Variants in RNF144A observed in about 807,000 individuals in gnomAD.
RNF144A encodes the protein ring finger protein 144A, also known as E3 ubiquitin-protein ligase RNF144A.
In RNF144A, 11 loss-of-function variants were observed where a neutral mutation model predicts 38.7. The observed-to-expected ratio is 0.28, with a 90% confidence interval of 0.18 to 0.47. The LOEUF is 0.47. Among genes scored for constraint, RNF144A ranks in the 20% least tolerant of loss-of-function variants. The pLI is 0.99. For synonymous variants in RNF144A, 149 were observed against 143.9 expected (o/e 1.04, Z -0.25); for missense variants, 316 against 377.2 (o/e 0.84, Z 1.34).
At chr2:6,992,146 G>C (rs901732284) in intron 2 of RNF144A, among the ~76,000 whole-genome samples, 1 of 152,204 alleles carries the variant, frequency 6.6e-6, no homozygotes, top group African/African-American at 2.4e-5. Context: ...CCTTGAGTGA[G>C]ATAGACTTGG....
intron 8 of RNF144A, among the ~76,000 whole-genome samples, chr2:7,034,777 G>T (rs1672552935): frequency 6.6e-6 from 1 of 152,240 alleles, no homozygotes; most frequent in Non-Finnish European, 1.5e-5. Flanking sequence ...AATACTGGAT[G>T]TTGCAGAAAG....
rs1232262856 is a variant in RNF144A at position 7,043,425 on chromosome 2, G to A, written c.*3665G>A. Reference sequence around the variant, plus strand: ...AAAGGATCCAGGATGGGCTTTGTGTGTGTGTCTCAGATTCTCATTTATTAG... The same window carrying A: ...AAAGGATCCAGGATGGGCTTTGTGTATGTGTCTCAGATTCTCATTTATTAG... On this transcript the variant is annotated 3_prime_UTR_variant, in exon 9 of 9. Coordinates refer to ENST00000320892, the MANE Select transcript of RNF144A (RefSeq NM_014746.6). 5.1e-6 allele frequency: 5 copies of A among 985,528 alleles called. No homozygotes were observed. The highest frequency in any genetic ancestry group is 6.0e-6 in the Non-Finnish European group (5 of 829,896). The allele number at this position is 985,528 out of a possible 1,614,324, so 61.0% of individuals were successfully genotyped here. A position where few individuals can be genotyped will look rare whatever the true frequency, so the allele number is the denominator to read the frequency against.
chr2:7,008,378 C>G, intron 3 of RNF144A, among the ~76,000 whole-genome samples: 1 of 152,256 alleles, frequency 6.6e-6, no homozygotes, highest in East Asian at 1.9e-4. Flanking sequence ...CAGCTGTCCC[C>G]TCACAAACAC....
intron 2 of RNF144A, among the ~76,000 whole-genome samples, chr2:6,985,798 G>A (rs760363196): frequency 2.6e-5 from 4 of 152,084 alleles, no homozygotes; most frequent in Non-Finnish European, 5.9e-5. Context: ...TCAGCCTCCC[G>A]AGTAGCTGGG....
At chr2:7,019,755 A>C (rs1208604335) in intron 5 of RNF144A, among the ~76,000 whole-genome samples, 1 of 152,254 alleles carries the variant, frequency 6.6e-6, no homozygotes, top group Non-Finnish European at 1.5e-5. Context: ...GATGTGAAGA[A>C]ATAGATGTGT....
intron 1 of RNF144A, among the ~76,000 whole-genome samples, chr2:6,923,487 CAG>C (rs1664671247): frequency 6.6e-6 from 1 of 152,222 alleles, no homozygotes; most frequent in South Asian, 2.1e-4. Context: ...GGGCTGATCT[CAG>C]CAGCTGCTGA....
At chr2:6,976,499 A>G (rs970663560) in intron 2 of RNF144A, among the ~76,000 whole-genome samples, 32 of 151,412 alleles carry the variant, frequency 2.1e-4, no homozygotes, top group Admixed American at 1.9e-3. Context: ...ACATTTTGCA[A>G]TGTTTTTCGT....
At chr2:7,014,157 A>G (rs1670993865) in intron 3 of RNF144A, among the ~76,000 whole-genome samples, 1 of 152,180 alleles carries the variant, frequency 6.6e-6, no homozygotes, top group Non-Finnish European at 1.5e-5. Flanking sequence ...GCTGCCTTTC[A>G]TCTTGCTTTT....
downstream of RNF144A, among the ~76,000 whole-genome samples, chr2:7,071,531 T>TC (rs1436565916): frequency 6.6e-6 from 1 of 152,228 alleles, no homozygotes; most frequent in Non-Finnish European, 1.5e-5. Context: ...GCTCAATTTC[T>TC]CAATTCCAGT....
intron 2 of RNF144A, among the ~76,000 whole-genome samples, chr2:6,954,361 A>G (rs899157338): frequency 1.3e-5 from 2 of 151,530 alleles, no homozygotes; most frequent in East Asian, 3.8e-4. Context: ...CACAGAAAGT[A>G]AAAAAAAAGA....
intron 2 of RNF144A, among the ~76,000 whole-genome samples, chr2:6,945,787 C>A (rs1408273733): frequency 6.6e-6 from 1 of 151,792 alleles, no homozygotes; most frequent in Non-Finnish European, 1.5e-5. Flanking sequence ...GGGCACAGGC[C>A]AGAGTAGAAC....
intron 3 of RNF144A, among the ~76,000 whole-genome samples, chr2:6,999,266 G>A (rs1409907180): frequency 1.3e-5 from 2 of 152,206 alleles, no homozygotes; most frequent in Non-Finnish European, 2.9e-5. Context: ...TCACTGTAGC[G>A]TGAAGAGAAG....
At chr2:7,025,416 A>G (rs747727395) in intron 7 of RNF144A, among the ~76,000 whole-genome samples, 16 of 152,206 alleles carry the variant, frequency 1.1e-4, no homozygotes, top group Admixed American at 9.8e-4. Context: ...GCTCACGCCT[A>G]TATTCCCAGC....
chr2:7,070,766 C>CA (rs1171898334), downstream of RNF144A, among the ~76,000 whole-genome samples: 1 of 151,972 alleles, frequency 6.6e-6, no homozygotes, highest in Non-Finnish European at 1.5e-5. Context: ...TGCCACAAGC[C>CA]AAAAAAGTTC....
intron 6 of RNF144A, among the ~76,000 whole-genome samples, chr2:7,058,783 A>G (rs964700645): frequency 5.3e-5 from 8 of 152,150 alleles, no homozygotes; most frequent in Non-Finnish European, 1.2e-4. Flanking sequence ...CTTTGACTCT[A>G]TAGGTTTCTT....
intron 1 of RNF144A, chr2:6,933,061 A>G (rs1665303894): frequency 6.6e-6 from 1 of 152,248 alleles, no homozygotes; most frequent in Non-Finnish European, 1.5e-5. Context: ...CTCCACTTAT[A>G]GCGGCTGCAT....
chr2:7,071,259 GC>G (rs1245469565), downstream of RNF144A, among the ~76,000 whole-genome samples: 4 of 152,102 alleles, frequency 2.6e-5, no homozygotes, highest in African/African-American at 9.7e-5. Flanking sequence ...TTTTACAGAA[GC>G]CCTGGGAAAC....
Position 6,941,212 on chromosome 2 carries a change from AG to A in RNF144A, c.-12+67del, listed in dbSNP as rs1212659820. On this transcript the variant is annotated intron_variant, in intron 2 of 8. Transcript: ENST00000320892. This position sits in a 1 kb window ranked among gnomAD's most constrained non-coding sequence, Gnocchi z 6.5. ...ATTGATCTCTTCTTAGTGGAATCTC[AG>A]GCCATTGTTGGAAAAGATAGTAGGC... 6.6e-6 allele frequency: 1 copy of A among 152,232 alleles called. No homozygotes were observed. The highest frequency in any genetic ancestry group is 1.5e-5 in the Non-Finnish European group (1 of 68,052). The allele number at this position is 152,232 out of a possible 1,614,324, so 9.4% of individuals were successfully genotyped here.
At chr2:6,920,233 C>T (rs1236825693) in intron 1 of RNF144A, among the ~76,000 whole-genome samples, 1 of 152,218 alleles carries the variant, frequency 6.6e-6, no homozygotes, top group Non-Finnish European at 1.5e-5. Flanking sequence ...GCCTTTCCCT[C>T]TGGGGGTAGA....
Sources: gnomAD v4.1 joint callset for allele counts (sites outside exome capture counted in the v4.1 genomes callset) on GRCh38, gnomAD v4.1.1 for gene constraint, Gnocchi (gnomAD v3.1) non-coding constraint, MANE v1.5 for transcripts, NCBI Gene and HGNC (gene_info 2026-07-23, HGNC 2026-07-21) for gene names.